The following CTNND1 variants were observed in gnomAD, a reference collection of about 807,000 sequenced individuals.
CTNND1 encodes the protein catenin delta-1.
A neutral mutation model predicts 112.1 loss-of-function variants in CTNND1; 16 were observed. The observed-to-expected ratio is 0.14, with a 90% CI of 0.10 to 0.22. The LOEUF is 0.22. CTNND1 is among the 10% of genes least tolerant of loss of function. The pLI is 1.00. For missense variants in CTNND1, 1,008 were observed against 1,257.0 expected, an observed-to-expected ratio of 0.80 and a Z score of 3.00; for synonymous variants, 420 against 446.5, an observed-to-expected ratio of 0.94 and a Z score of 0.75.
intron 12 of CTNND1, 146 bp downstream of exon 12, chr11:57,807,129 G>A: frequency 1.4e-6 from 1 of 725,746 alleles, no homozygotes. Context: ...AAAGTATTGG[G>A]AAGCTGCATA....
At chr11:57,789,631 C>T (rs1221985679) in intron 2 of CTNND1, among the ~76,000 whole-genome samples, 2 of 151,928 alleles carry the variant, frequency 1.3e-5, no homozygotes, top group East Asian at 3.8e-4. Flanking sequence ...TGTGTTGGGC[C>T]ATACATAATG....
intron 5 of CTNND1, 55 bp from the exon 6 acceptor site, chr11:57,796,402 A>T: frequency 6.8e-7 from 1 of 1,477,714 alleles, no homozygotes; most frequent in Non-Finnish European, 9.0e-7. Context: ...AAAAAAAAGA[A>T]TTTAATTGCT....
intron 14 of CTNND1, among the ~76,000 whole-genome samples, chr11:57,809,016 CTG>C (rs1299284863): frequency 1.5e-4 from 23 of 152,074 alleles, no homozygotes; most frequent in African/African-American, 5.3e-4. Flanking sequence ...TCTGAAAGGA[CTG>C]TGTAGCTTAT....
At chr11:57,805,855 T>C in intron 9 of CTNND1, 27 bp from the exon 10 acceptor site, 1 of 1,603,434 alleles carries the variant, frequency 6.2e-7, no homozygotes, top group Non-Finnish European at 8.5e-7. Context: ...CATTCTTTTT[T>C]CTCATTGGCC....
chr11:57,796,702 A>G lies in CTNND1; in HGVS notation c.666A>G (p.Pro222=), dbSNP rs897805592. 6.2e-7 allele frequency: 1 copy of G among 1,614,060 alleles called. No individual in the cohort carries two copies. Among genetic ancestry groups the G allele is most frequent in the Non-Finnish European group, 8.5e-7 (1 of 1,179,902 alleles). Residue 222 remains proline (P), a synonymous_variant, in exon 6 of 21, where the codon CCA becomes CCG. Transcript: ENST00000399050. ...GYSRHYEDGY[P]GGSDNYGSLS... Reference sequence around the variant, plus strand: ...GTCGCCACTATGAAGATGGTTATCCAGGTGGCAGTGATAACTATGGCAGTC... The same window carrying G: ...GTCGCCACTATGAAGATGGTTATCCGGGTGGCAGTGATAACTATGGCAGTC...
rs147432460 is a variant in CTNND1 at position 57,790,422 on chromosome 11, C to T, written c.-94-963C>T. ...TTTTTGAGACGGAGTCTTGCATTGT[C>T]GCCCCAGCTGGAGTGCAATGGCGCG... is the stretch of plus-strand genomic sequence containing the variant. On this transcript the variant is annotated intron_variant, in intron 2 of 20. Transcript: ENST00000399050. Among the ~76,000 whole-genome samples the T allele has an allele frequency of 6.4e-3, 930 of 145,034 alleles. 9 individuals carry two copies. The highest frequency in any genetic ancestry group is 0.023 in the African/African-American group (898 of 39,216).
intron 1 of CTNND1, among the ~76,000 whole-genome samples, chr11:57,777,068 T>C (rs777183411): frequency 5.3e-5 from 8 of 152,240 alleles, no homozygotes; most frequent in Non-Finnish European, 1.0e-4. Context: ...TTGTTCAGTA[T>C]TCTTGAGAGA....
At chr11:57,769,654 T>C (rs480539) in intron 1 of CTNND1, among the ~76,000 whole-genome samples, 1 of 152,184 alleles carries the variant, frequency 6.6e-6, no homozygotes, top group Non-Finnish European at 1.5e-5. Flanking sequence ...TTCCTTTTTT[T>C]CCCTTTAGGT....
intron 1 of CTNND1, among the ~76,000 whole-genome samples, chr11:57,777,364 G>T (rs147870980): frequency 7.2e-4 from 109 of 152,196 alleles, no homozygotes; most frequent in African/African-American, 2.6e-3. Context: ...TGCCTCCCGG[G>T]CTCAAGTGAT....
At chr11:57,797,671 C>T (rs1316320189) in intron 6 of CTNND1, among the ~76,000 whole-genome samples, 5 of 149,736 alleles carry the variant, frequency 3.3e-5, no homozygotes, top group South Asian at 2.1e-4. Flanking sequence ...GGAGAAACCC[C>T]GCCTCTACTA....
In CTNND1 at chr11:57,816,478, C is replaced by A. The variant is rs2064001763; in HGVS notation, c.*170C>A. The A allele has an allele frequency of 1.4e-6, 1 of 736,000 alleles. No homozygotes were observed. The highest frequency in any genetic ancestry group is 3.8e-4 in the Middle Eastern group (1 of 2,600). 45.6% of individuals were successfully genotyped at this position (736,000 alleles called of 1,614,324 possible). A position where few individuals can be genotyped will look rare whatever the true frequency, so the allele number is the denominator to read the frequency against. On this transcript the variant is annotated 3_prime_UTR_variant, in exon 21 of 21. Transcript: ENST00000399050. ...TCTTTCCATCAACTCCCAACTTCTT[C>A]CTGTGAAGTTTAATTGTCTCAACGC...
chr11:57,770,054 G>C (rs536400448), intron 1 of CTNND1, among the ~76,000 whole-genome samples: 2 of 152,102 alleles, frequency 1.3e-5, no homozygotes, highest in African/African-American at 2.4e-5. Context: ...GGCTGGGCGC[G>C]GTGGTGGTTC....
intron 6 of CTNND1, among the ~76,000 whole-genome samples, chr11:57,798,995 T>C (rs1488049459): frequency 6.6e-6 from 1 of 152,234 alleles, no homozygotes; most frequent in Admixed American, 6.5e-5. Context: ...TCCTAGCAGC[T>C]GTTGCTGAAT....
chr11:57,769,516 A>G (rs1310051084), intron 1 of CTNND1, among the ~76,000 whole-genome samples: 1 of 151,468 alleles, frequency 6.6e-6, no homozygotes, highest in Non-Finnish European at 1.5e-5. Context: ...TATTTTACCT[A>G]TAATTTCTTC....
chr11:57,798,732 A>G (rs1425365296), intron 6 of CTNND1, among the ~76,000 whole-genome samples: 1 of 152,162 alleles, frequency 6.6e-6, no homozygotes, highest in African/African-American at 2.4e-5. Flanking sequence ...ATGCTTTAGA[A>G]TGGGGTCGAC....
chr11:57,766,066 C>T (rs1050421700), intron 1 of CTNND1, among the ~76,000 whole-genome samples: 5 of 152,058 alleles, frequency 3.3e-5, no homozygotes, highest in African/African-American at 1.2e-4. Flanking sequence ...CATGCCACTG[C>T]CCTCCAGACT....
rs1382872602 is a variant in CTNND1 at position 57,794,014 on chromosome 11, G to A, written c.200G>A (p.Gly67Asp). ...NGTLTRRHQN[G>D]RFVGDADLER... ...TTCTTGTGGGCTGTGTTTCAGAACG[G>A]CCGGTTTGTGGGCGATGCTGACCTT... Residue 67 changes from glycine (G) to aspartate (D), a missense_variant, in exon 4 of 21, where the codon GGC (glycine) becomes GAC (aspartate). Gly to Asp is a moderately conservative substitution (Grantham distance 94, BLOSUM62 -1). This residue lies in a region of CTNND1 where 404 missense variants were observed against 457.9 expected (regional missense o/e 0.88). Coordinates refer to ENST00000399050, the MANE Select transcript of CTNND1 (RefSeq NM_001085458.2). The A allele has an allele frequency of 6.2e-7, 1 of 1,613,846 alleles. No homozygotes were observed. Among genetic ancestry groups the A allele is most frequent in the East Asian group, 2.2e-5 (1 of 44,898 alleles).
chr11:57,804,911 A>AT, intron 9 of CTNND1, 131 bp downstream of exon 9: 1 of 653,856 alleles, frequency 1.5e-6, no homozygotes, highest in South Asian at 2.0e-5. Context: ...CCTACCCCTT[A>AT]TTTTTGAGAC....
chr11:57,794,920 A>G (rs556393031), intron 4 of CTNND1, among the ~76,000 whole-genome samples: 1 of 150,286 alleles, frequency 6.7e-6, no homozygotes, highest in Non-Finnish European at 1.5e-5. Context: ...TATTTTGGCC[A>G]GGCGTGGTTT....
Sources: allele counts gnomAD v4.1 joint callset (sites outside exome capture counted in the v4.1 genomes callset), GRCh38; gene constraint gnomAD v4.1.1; regional missense constraint gnomAD v4.1.1; transcripts MANE v1.5; gene names NCBI Gene and HGNC (gene_info 2026-07-23, HGNC 2026-07-21).